The following AHI1 variants were observed in gnomAD, a reference collection of about 807,000 sequenced individuals.
AHI1 encodes jouberin.
In AHI1, 123 loss-of-function variants were observed where a neutral mutation model predicts 149.3. The observed-to-expected ratio is 0.82, with a 90% CI of 0.71 to 0.96. The LOEUF (loss-of-function observed/expected upper bound fraction) is 0.96, where lower values mean the gene tolerates loss of function less well. AHI1 is among the 40% of genes least tolerant of loss of function. AHI1 has a pLI of 0.00. For synonymous variants in AHI1, 475 were observed against 459.8 expected (o/e 1.03, Z -0.42); for missense variants, 1,439 against 1,422.7 (o/e 1.01, Z -0.18).
rs1461764752 is a variant in AHI1 at position 135,497,697 on chromosome 6, A to C, written c.-316T>G. The C allele has an allele frequency of 5.9e-6, 1 of 168,208 alleles. No homozygotes were observed. Among genetic ancestry groups the C allele is most frequent in the Non-Finnish European group, 1.3e-5 (1 of 75,812 alleles). The allele number at this position is 168,208 out of a possible 1,614,324, so 10.4% of individuals were successfully genotyped here. Reference sequence around the variant, plus strand: ...AAGTGAGGCGGCCACGCAGCCACCTAACCCGCCAGCGACCCGTGTCCTGAA... The same window carrying C: ...AAGTGAGGCGGCCACGCAGCCACCTCACCCGCCAGCGACCCGTGTCCTGAA... On this transcript the variant is annotated 5_prime_UTR_variant, in exon 1 of 29. Coordinates refer to ENST00000265602, the MANE Select transcript of AHI1 (RefSeq NM_001134831.2).
intron 23 of AHI1, among the ~76,000 whole-genome samples, chr6:135,363,969 G>A (rs566786451): frequency 2.1e-5 from 3 of 144,550 alleles, no homozygotes; most frequent in East Asian, 4.2e-4. Flanking sequence ...CCTCCCGGAC[G>A]GGGCGGCTGG....
intron 11 of AHI1, 140 bp downstream of exon 11, chr6:135,453,201 G>A (rs1024972461): frequency 1.7e-5 from 12 of 710,700 alleles, no homozygotes; most frequent in Non-Finnish European, 2.7e-5. Flanking sequence ...CATAACCTGA[G>A]CTTGAATTAG....
chr6:135,427,140 TCTTTA>T lies in AHI1; in HGVS notation c.2764+22_2764+26del, dbSNP rs775234974. ...TAAATGTAAAGGTTACTCTAAAAAT[TCTTTA>T]CTTATCAAGTGGTAGACTTACCATG... On this transcript the variant is annotated intron_variant, in intron 20 of 28. Transcript: ENST00000265602. The T allele has an allele frequency of 1.0e-5, 16 of 1,599,948 alleles. No homozygotes were observed. In the African/African-American group the frequency reaches 1.5e-4, roughly 15 times the overall value.
intron 10 of AHI1, among the ~76,000 whole-genome samples, chr6:135,454,197 T>C (rs1788566728): frequency 6.6e-6 from 1 of 152,230 alleles, no homozygotes; most frequent in Non-Finnish European, 1.5e-5. Flanking sequence ...TCCAGACCCA[T>C]AGATGGTCAC....
intron 14 of AHI1, among the ~76,000 whole-genome samples, chr6:135,439,603 T>C (rs902459993): frequency 8.5e-5 from 13 of 152,230 alleles, no homozygotes; most frequent in African/African-American, 3.1e-4. Flanking sequence ...TGCTAGGATC[T>C]ACAGTAAAAA....
chr6:135,430,252 C>T lies in AHI1; in HGVS notation c.2374-252G>A, dbSNP rs139932543. Among the ~76,000 whole-genome samples the T allele has an allele frequency of 0.011, 1,711 of 151,986 alleles. 21 individuals carry two copies. Among genetic ancestry groups the T allele is most frequent in the Non-Finnish European group, 0.016 (1,089 of 67,796 alleles). ...TGTGTTTTTGTAGTATGTTCACTTTCCCAAAATTTGGTCAGTCCCAAACAA... is the reference window on the plus strand; with the variant it reads ...TGTGTTTTTGTAGTATGTTCACTTTTCCAAAATTTGGTCAGTCCCAAACAA... On this transcript the variant is annotated intron_variant, in intron 17 of 28. Coordinates refer to ENST00000265602, the MANE Select transcript of AHI1 (RefSeq NM_001134831.2).
chr6:135,310,756 AT>A (rs1190664945), intron 26 of AHI1, among the ~76,000 whole-genome samples: 1 of 152,244 alleles, frequency 6.6e-6, no homozygotes, highest in Non-Finnish European at 1.5e-5. Context: ...ATCTTCAAAA[AT>A]AATCTAACAT....
intron 20 of AHI1, among the ~76,000 whole-genome samples, chr6:135,424,132 A>C (rs1000210045): frequency 6.6e-6 from 1 of 152,080 alleles, no homozygotes; most frequent in East Asian, 1.9e-4. Context: ...TTTAGAAACT[A>C]GTATTTCAAG....
Position 135,387,079 on chromosome 6 carries a change from C to T in AHI1, c.3109+7697G>A, listed in dbSNP as rs371598819. Among the ~76,000 whole-genome samples, 450 of 152,140 alleles carry T rather than the reference C, an allele frequency of 3.0e-3. 7 individuals carry two copies. The highest frequency in any genetic ancestry group is 9.8e-3 in the African/African-American group (407 of 41,516). On this transcript the variant is annotated intron_variant, in intron 23 of 28. Coordinates refer to ENST00000265602, the MANE Select transcript of AHI1 (RefSeq NM_001134831.2). ...TTTGTATTTTCTGTAGACAGAGCTT[C>T]GTCATGTTGCCCAAGCTGGTCTCAA...
chr6:135,308,325 T>C (rs1378348873), intron 26 of AHI1, among the ~76,000 whole-genome samples: 1 of 152,164 alleles, frequency 6.6e-6, no homozygotes, highest in African/African-American at 2.4e-5. Context: ...AGCCTCATCC[T>C]CTCAGGCTGA....
At chr6:135,472,289 T>C (rs904199222) in intron 5 of AHI1, among the ~76,000 whole-genome samples, 2 of 152,196 alleles carry the variant, frequency 1.3e-5, no homozygotes, top group East Asian at 1.9e-4. Context: ...TTATACCATC[T>C]ATAGCCTTTT....
At chr6:135,394,917 A>G in intron 22 of AHI1, 21 bp from the exon 23 acceptor site, 1 of 1,579,910 alleles carries the variant, frequency 6.3e-7, no homozygotes, top group East Asian at 2.3e-5. Flanking sequence ...AAAACAAATC[A>G]GAAACTACAG....
At chr6:135,441,181 T>G (rs1022425873) in intron 14 of AHI1, among the ~76,000 whole-genome samples, 1 of 150,036 alleles carries the variant, frequency 6.7e-6, no homozygotes, top group Non-Finnish European at 1.5e-5. Context: ...AGTTGAAAAG[T>G]ACAATAACTG....
At chr6:135,337,184 G>A (rs1789526639) in intron 24 of AHI1, among the ~76,000 whole-genome samples, 1 of 152,020 alleles carries the variant, frequency 6.6e-6, no homozygotes, top group South Asian at 2.1e-4. Flanking sequence ...TAAAGACTTG[G>A]CATTTCTTTA....
chr6:135,435,448 AG>A (rs1165794368), intron 15 of AHI1, among the ~76,000 whole-genome samples: 1 of 152,204 alleles, frequency 6.6e-6, no homozygotes, highest in Non-Finnish European at 1.5e-5. Context: ...TAAGTTATTC[AG>A]GAAGGGTAGG....
intron 23 of AHI1, among the ~76,000 whole-genome samples, chr6:135,394,485 G>A (rs1267876967): frequency 6.6e-6 from 1 of 151,952 alleles, no homozygotes; most frequent in Non-Finnish European, 1.5e-5. Flanking sequence ...ATCTAATTGG[G>A]AAACTGAATC....
At chr6:135,425,359 T>C (rs924970468) in intron 20 of AHI1, among the ~76,000 whole-genome samples, 4 of 151,890 alleles carry the variant, frequency 2.6e-5, no homozygotes, top group African/African-American at 9.7e-5. Flanking sequence ...AGAAACATAC[T>C]TTAATAAATA....
intron 5 of AHI1, among the ~76,000 whole-genome samples, chr6:135,483,237 C>A (rs1193005462): frequency 1.3e-5 from 2 of 151,926 alleles, no homozygotes. Flanking sequence ...CCTGAAAACA[C>A]TAGGGTTCTA....
chr6:135,476,301 T>G (rs1202685626), intron 5 of AHI1, among the ~76,000 whole-genome samples: 1 of 152,088 alleles, frequency 6.6e-6, no homozygotes, highest in Non-Finnish European at 1.5e-5. Context: ...TGTTGTGGCC[T>G]AAGAAAACAT....
Sources: allele counts gnomAD v4.1 joint callset (sites outside exome capture counted in the v4.1 genomes callset), GRCh38; gene constraint gnomAD v4.1.1; transcripts MANE v1.5; gene names NCBI Gene and HGNC (gene_info 2026-07-23, HGNC 2026-07-21).